NFIX: variants seen among roughly 807,000 people sequenced by gnomAD.
NFIX encodes nuclear factor 1 X-type.
In NFIX, 2 loss-of-function variants were observed where a neutral mutation model predicts 53.3. The ratio of observed to expected loss-of-function variants is 0.04; its 90% CI spans 0.02 to 0.12. The LOEUF is 0.12. Ranked by LOEUF, NFIX falls within the 10% of genes least tolerant of loss-of-function variation. NFIX has a pLI of 1.00. For missense variants in NFIX, 310 were observed against 674.5 expected (o/e 0.46, Z 5.99); for synonymous variants, 244 against 289.0 (o/e 0.84, Z 1.58).
rs1490853952 is a variant in NFIX at position 13,025,299 on chromosome 19, C to T, written c.306C>T (p.Cys102=). The stretch of plus-strand genomic sequence containing the variant: ...CCATCACGGGCAAGAAGCCCCCCTG[C>T]TGCGTGCTCTCCAACCCCGACCAGA... ...VLTITGKKPP[C]CVLSNPDQKG... is the part of the protein sequence containing the mutation. Residue 102 remains cysteine (C), a synonymous_variant, in exon 2 of 11, where the codon TGC becomes TGT. Transcript: ENST00000592199. The surrounding 1 kb of genome is among the most constrained non-coding windows in gnomAD (Gnocchi z 7.5). 2 of 1,613,972 alleles carry T rather than the reference C, an allele frequency of 1.2e-6. No homozygotes were observed. The highest frequency in any genetic ancestry group is 2.2e-5 in the East Asian group (1 of 44,898).
intron 2 of NFIX, among the ~76,000 whole-genome samples, chr19:13,064,990 A>G (rs2016313574): frequency 6.6e-6 from 1 of 152,238 alleles, no homozygotes; most frequent in Non-Finnish European, 1.5e-5. Flanking sequence ...ATGAGGAAAC[A>G]GTTCATAACT....
intron 10 of NFIX, among the ~76,000 whole-genome samples, chr19:13,091,911 G>A (rs576354225): frequency 2.0e-5 from 3 of 152,212 alleles, no homozygotes; most frequent in South Asian, 2.1e-4. Context: ...TTGCTTGGAC[G>A]TTTGGGGGCC....
At position 13,078,915 on chromosome 19, in the gene NFIX, C is replaced by T. The variant is rs1191479671; in HGVS notation, c.1078+180C>T. ...GCCCCTGCTTCACGTAGCACCTCATCGAGGACCAGGCCGGGCCCCTGGGCT... is the reference window on the plus strand; with the variant it reads ...GCCCCTGCTTCACGTAGCACCTCATTGAGGACCAGGCCGGGCCCCTGGGCT... On this transcript the variant is annotated intron_variant, in intron 7 of 10. Transcript: ENST00000592199. The surrounding 1 kb of genome is among the most constrained non-coding windows in gnomAD (Gnocchi z 4.7). 6.6e-6 allele frequency among the ~76,000 whole-genome samples: 1 copy of T among 152,240 alleles called. No homozygotes were observed. The highest frequency in any genetic ancestry group is 2.4e-5 in the African/African-American group (1 of 41,460).
At chr19:13,086,357 C>G (rs1248740231) in intron 8 of NFIX, among the ~76,000 whole-genome samples, 1 of 152,114 alleles carries the variant, frequency 6.6e-6, no homozygotes, top group African/African-American at 2.4e-5. Context: ...GGAAAGAATC[C>G]TAGCATCCCT....
chr19:13,001,885 T>G lies in NFIX; in HGVS notation c.27+6021T>G, dbSNP rs1000972404. On this transcript the variant is annotated intron_variant, in intron 1 of 10. Transcript: ENST00000592199. The surrounding 1 kb of genome is among the most constrained non-coding windows in gnomAD (Gnocchi z 6.5). Reference sequence around the variant, plus strand: ...GGTTGAGCGGCCGCAGTGGCCTTGCTGGGGGCCCCGCCCGTGCCCCTGGCC... The same window carrying G: ...GGTTGAGCGGCCGCAGTGGCCTTGCGGGGGGCCCCGCCCGTGCCCCTGGCC... Among the ~76,000 whole-genome samples the G allele has an allele frequency of 6.6e-6, 1 of 152,246 alleles. No individual in the cohort carries two copies. Among genetic ancestry groups the G allele is most frequent in the Non-Finnish European group, 1.5e-5 (1 of 68,038 alleles).
chr19:13,073,378 C>G lies in NFIX; in HGVS notation c.623-44C>G. The G allele has an allele frequency of 4.0e-6, 6 of 1,518,282 alleles. No individual in the cohort carries two copies. The highest frequency in any genetic ancestry group is 3.4e-4 in the Middle Eastern group (2 of 5,900). The allele number at this position is 1,518,282 out of a possible 1,614,324, so 94.1% of individuals were successfully genotyped here. A position where few individuals can be genotyped will look rare whatever the true frequency, so the allele number is the denominator to read the frequency against. ...ACCTTTGGAAATAGCCAGGCAGCCC[C>G]CTTCTGGCCTTGTCTTGACTCACTC... On this transcript the variant is annotated intron_variant, in intron 3 of 10. Coordinates refer to ENST00000592199, the MANE Select transcript of NFIX (RefSeq NM_001365902.3). The surrounding 1 kb of genome is among the most constrained non-coding windows in gnomAD (Gnocchi z 4.5).
Position 13,090,254 on chromosome 19 carries a change from C to T in NFIX, c.1403-45C>T, listed in dbSNP as rs2018051748. On this transcript the variant is annotated intron_variant, in intron 9 of 10. Transcript: ENST00000592199. The surrounding 1 kb of genome is among the most constrained non-coding windows in gnomAD (Gnocchi z 6.6). ...CCGAGGGGCAGTGCCCAGGTGGGCC[C>T]CAAGGCCTGACAGGGTCTCTCCCTC... 1.3e-6 allele frequency: 2 copies of T among 1,593,308 alleles called. No individual in the cohort carries two copies. Among genetic ancestry groups the T allele is most frequent in the East Asian group, 2.2e-5 (1 of 44,768 alleles).
At chr19:13,032,137 G>A (rs909869359) in intron 2 of NFIX, among the ~76,000 whole-genome samples, 5 of 152,202 alleles carry the variant, frequency 3.3e-5, no homozygotes, top group Non-Finnish European at 7.3e-5. Flanking sequence ...GGAGGGGGAG[G>A]GGGGCAGGAG....
rs1394385048 is a variant in NFIX, at chr19:13,052,583, T to A, written c.560-20464T>A. On this transcript the variant is annotated intron_variant, in intron 2 of 10. Coordinates refer to ENST00000592199, the MANE Select transcript of NFIX (RefSeq NM_001365902.3). The surrounding 1 kb of genome is among the most constrained non-coding windows in gnomAD (Gnocchi z 5.2). ...GAAGGGGGCACACTCCTGGCTTAGA[T>A]AAGACAATCCAGATTCTCTCAGAGA... 6.6e-6 allele frequency among the ~76,000 whole-genome samples: 1 copy of A among 152,190 alleles called. No individual in the cohort carries two copies. Among genetic ancestry groups the A allele is most frequent in the Non-Finnish European group, 1.5e-5 (1 of 68,020 alleles).
Position 13,088,623 on chromosome 19 carries a change from C to T in NFIX, c.1402+487C>T, listed in dbSNP as rs1463749990. Among the ~76,000 whole-genome samples, 1 of 152,078 alleles carries T rather than the reference C, an allele frequency of 6.6e-6. No homozygotes were observed. The highest frequency in any genetic ancestry group is 1.5e-5 in the Non-Finnish European group (1 of 67,992). On this transcript the variant is annotated intron_variant, in intron 9 of 10. Coordinates refer to ENST00000592199, the MANE Select transcript of NFIX (RefSeq NM_001365902.3). This position sits in a 1 kb window ranked among gnomAD's most constrained non-coding sequence, Gnocchi z 5.9. ...CCCTTTTTGCCTTGCCCCTCACCTCCATCCCTGGGCCCTTGGGCCTCAAAG... is the reference window on the plus strand; with the variant it reads ...CCCTTTTTGCCTTGCCCCTCACCTCTATCCCTGGGCCCTTGGGCCTCAAAG...
At position 12,996,755 on chromosome 19, in the gene NFIX, G is replaced by A. The variant is rs2011483683; in HGVS notation, c.27+891G>A. ...CAGCCGACAGTGCTGCGGCCACACC[G>A]TCGGGTCAGCCTCGGGCACAACAGC... On this transcript the variant is annotated intron_variant, in intron 1 of 10. Coordinates refer to ENST00000592199, the MANE Select transcript of NFIX (RefSeq NM_001365902.3). This position sits in a 1 kb window ranked among gnomAD's most constrained non-coding sequence, Gnocchi z 5.2. Among the ~76,000 whole-genome samples the A allele has an allele frequency of 6.6e-6, 1 of 152,264 alleles. No homozygotes were observed. The highest frequency in any genetic ancestry group is 1.5e-5 in the Non-Finnish European group (1 of 68,038).
chr19:13,003,103 G>C (rs915390465), intron 1 of NFIX, among the ~76,000 whole-genome samples: 29 of 144,562 alleles, frequency 2.0e-4, no homozygotes, highest in African/African-American at 5.8e-4. Flanking sequence ...TGGGGAGTTG[G>C]GGGGGGGTTT....
Position 12,998,806 on chromosome 19 carries a change from C to T in NFIX, c.27+2942C>T, listed in dbSNP as rs73006820. 6.6e-4 allele frequency among the ~76,000 whole-genome samples: 100 copies of T among 152,282 alleles called. 1 individual carries two copies. The highest frequency in any genetic ancestry group is 1.2e-3 in the Non-Finnish European group (82 of 68,028). On this transcript the variant is annotated intron_variant, in intron 1 of 10. Coordinates refer to ENST00000592199, the MANE Select transcript of NFIX (RefSeq NM_001365902.3). This position sits in a 1 kb window ranked among gnomAD's most constrained non-coding sequence, Gnocchi z 4.4. ...TGTCACACACACCCATTAACACACA[C>T]GCACCTCTTGAAATGGGACACGTAT...
rs111875145 is a variant in NFIX at position 13,042,568 on chromosome 19, G to A, written c.559+17016G>A. 9.5e-3 allele frequency among the ~76,000 whole-genome samples: 1,443 copies of A among 152,006 alleles called. 8 individuals carry two copies. Among genetic ancestry groups the A allele is most frequent in the Middle Eastern group, 0.017 (5 of 294 alleles). On this transcript the variant is annotated intron_variant, in intron 2 of 10. Coordinates refer to ENST00000592199, the MANE Select transcript of NFIX (RefSeq NM_001365902.3). ...AGACGGGATTTCGCCATGTTGGCCAGCCTGGTCTTGAACTCCTGGCTGCAA... is the reference window on the plus strand; with the variant it reads ...AGACGGGATTTCGCCATGTTGGCCAACCTGGTCTTGAACTCCTGGCTGCAA...
At chr19:13,055,198 A>C in intron 2 of NFIX, among the ~76,000 whole-genome samples, 1 of 150,912 alleles carries the variant, frequency 6.6e-6, no homozygotes, top group East Asian at 2.0e-4. Flanking sequence ...CCTGGGCCCC[A>C]TCCAAGCGCC....
At chr19:13,041,945 T>G (rs920463978) in intron 2 of NFIX, among the ~76,000 whole-genome samples, 4 of 152,146 alleles carry the variant, frequency 2.6e-5, no homozygotes, top group African/African-American at 9.7e-5. Flanking sequence ...TCGCCCAGGC[T>G]GGAGTGCAGT....
At position 13,027,094 on chromosome 19, in the gene NFIX, G is replaced by A. The variant is rs1177583419; in HGVS notation, c.559+1542G>A. 6.6e-6 allele frequency among the ~76,000 whole-genome samples: 1 copy of A among 152,196 alleles called. No individual in the cohort carries two copies. Among genetic ancestry groups the A allele is most frequent in the Non-Finnish European group, 1.5e-5 (1 of 68,036 alleles). ...CCCTGAGTTTACATGTTGGAGAACT[G>A]TGGAGAGGAGAAGGTGGTATTGGAA... On this transcript the variant is annotated intron_variant, in intron 2 of 10. Transcript: ENST00000592199. The surrounding 1 kb of genome is among the most constrained non-coding windows in gnomAD (Gnocchi z 4.3).
chr19:13,019,377 A>G (rs2012838474), intron 1 of NFIX, among the ~76,000 whole-genome samples: 1 of 152,170 alleles, frequency 6.6e-6, no homozygotes, highest in African/African-American at 2.4e-5. Context: ...GAGTTTTTGA[A>G]AACCATGCAT....
chr19:13,096,341 G>C lies in NFIX; in HGVS notation c.*1692G>C, dbSNP rs981794663. 3.3e-5 allele frequency: 5 copies of C among 152,576 alleles called. No individual in the cohort carries two copies. The highest frequency in any genetic ancestry group is 4.8e-5 in the African/African-American group (2 of 41,454). 9.5% of individuals were successfully genotyped at this position (152,576 alleles called of 1,614,324 possible). On this transcript the variant is annotated 3_prime_UTR_variant, in exon 11 of 11. Coordinates refer to ENST00000592199, the MANE Select transcript of NFIX (RefSeq NM_001365902.3). ...TGTGAATCTAGTTTGTGAGGCTGTG[G>C]CCCCGAGCTGGCGGAGGGAGGGAAG...
Sources: allele counts gnomAD v4.1 joint callset (sites outside exome capture counted in the v4.1 genomes callset), GRCh38; gene constraint gnomAD v4.1.1; non-coding constraint Gnocchi (gnomAD v3.1); transcripts MANE v1.5; gene names NCBI Gene and HGNC (gene_info 2026-07-23, HGNC 2026-07-21).